AGBL1: variants seen among roughly 807,000 people sequenced by gnomAD.
AGBL1 encodes AGBL carboxypeptidase 1.
In AGBL1, 130 loss-of-function variants were observed where a neutral mutation model predicts 118.9. The observed-to-expected ratio is 1.09, with a 90% confidence interval of 0.95 to 1.26. The LOEUF (loss-of-function observed/expected upper bound fraction) is 1.26, where lower values mean the gene tolerates loss of function less well. AGBL1 is among the 50% of genes most tolerant of loss of function. AGBL1 has a pLI of 0.00. For missense variants in AGBL1, 1,584 were observed against 1,298.1 expected, an observed-to-expected ratio of 1.22 and a Z score of -3.38; for synonymous variants, 555 against 478.9, an observed-to-expected ratio of 1.16 and a Z score of -2.08.
chr15:86,907,678 A>T lies in AGBL1; in HGVS notation c.*384A>T, dbSNP rs530725004. Reference sequence around the variant, plus strand: ...GCTTCTTCTTGGCTTCTCAGCCAGAATTCTAAGTGGTTATTTAAGTTGTTC... The same window carrying T: ...GCTTCTTCTTGGCTTCTCAGCCAGATTTCTAAGTGGTTATTTAAGTTGTTC... On this transcript the variant is annotated 3_prime_UTR_variant, in exon 23 of 23. Coordinates refer to ENST00000614907, the MANE Select transcript of AGBL1 (RefSeq NM_001386094.1). 6.6e-6 allele frequency: 1 copy of T among 152,328 alleles called. No homozygotes were observed. Among genetic ancestry groups the T allele is most frequent in the Admixed American group, 6.5e-5 (1 of 15,300 alleles). The allele number at this position is 152,328 out of a possible 1,614,324, so 9.4% of individuals were successfully genotyped here.
At chr15:86,369,724 G>C (rs1348359390) in intron 17 of AGBL1, among the ~76,000 whole-genome samples, 1 of 152,086 alleles carries the variant, frequency 6.6e-6, no homozygotes, top group African/African-American at 2.4e-5. Context: ...CACCAAACAA[G>C]CTTGTGCAGT....
chr15:86,868,666 A>T (rs1255988302), intron 22 of AGBL1, among the ~76,000 whole-genome samples: 1 of 152,138 alleles, frequency 6.6e-6, no homozygotes, highest in Non-Finnish European at 1.5e-5. Context: ...ACTGATTTCC[A>T]CTCACCCTGG....
In AGBL1 at chr15:86,910,059, C is replaced by T. The variant is rs2080330106; in HGVS notation, c.*2765C>T. ...TAACCAGACAAAGAAGAACAATAAACATTCTAAGTTAATGCAGTATGGCCC... is the reference window on the plus strand; with the variant it reads ...TAACCAGACAAAGAAGAACAATAAATATTCTAAGTTAATGCAGTATGGCCC... On this transcript the variant is annotated 3_prime_UTR_variant, in exon 23 of 23. Transcript: ENST00000614907. The T allele has an allele frequency of 6.6e-6, 1 of 152,216 alleles. No individual in the cohort carries two copies. Among genetic ancestry groups the T allele is most frequent in the Non-Finnish European group, 1.5e-5 (1 of 68,040 alleles). 9.4% of individuals were successfully genotyped at this position (152,216 alleles called of 1,614,324 possible).
intron 4 of AGBL1, among the ~76,000 whole-genome samples, chr15:86,155,760 C>T (rs2077181102): frequency 1.3e-5 from 2 of 152,002 alleles, no homozygotes; most frequent in Admixed American, 1.3e-4. Flanking sequence ...AGTCATAAAG[C>T]ATGAATACTT....
intron 23 of AGBL1, among the ~76,000 whole-genome samples, chr15:86,925,909 C>G (rs1198253727): frequency 6.6e-6 from 1 of 151,110 alleles, no homozygotes. Flanking sequence ...TTTCTGTATT[C>G]TTAATAGAGA....
At chr15:86,648,971 G>A (rs186658115) in intron 21 of AGBL1, among the ~76,000 whole-genome samples, 5 of 152,210 alleles carry the variant, frequency 3.3e-5, no homozygotes, top group Admixed American at 1.3e-4. Context: ...GGAGAAATGG[G>A]GCCATTGTTG....
rs558475791 is a variant in AGBL1 at position 86,169,971 on chromosome 15, G to A, written c.488+10945G>A. Reference sequence around the variant, plus strand: ...ACAAAAATATTCAGCACTAAGTGAGGTAAAATCACAATGTGTAGAATCCAA... The same window carrying A: ...ACAAAAATATTCAGCACTAAGTGAGATAAAATCACAATGTGTAGAATCCAA... On this transcript the variant is annotated intron_variant, in intron 5 of 22. Coordinates refer to ENST00000614907, the MANE Select transcript of AGBL1 (RefSeq NM_001386094.1). Among the ~76,000 whole-genome samples the A allele has an allele frequency of 2.0e-5, 3 of 152,290 alleles. No individual in the cohort carries two copies. The South Asian group carries it at 6.2e-4, about 32-fold the overall frequency.
Position 86,546,069 on chromosome 15 carries a change from A to T in AGBL1, c.2753A>T (p.Glu918Val), listed in dbSNP as rs1053145516. Residue 918 changes from glutamate (E) to valine (V), a missense_variant, in exon 20 of 23, where the codon GAA becomes GTA. By Grantham distance (121) the Glu-to-Val change is moderately radical (BLOSUM62 -2). Transcript: ENST00000614907. ...TTCCTTTATGGCTGTAGCATCAAGG[A>T]AACCTTGTGGCAAGCAGCATGCACT... ...NVFLYGCSIK[E>V]TLWQAACTVG... is the part of the protein sequence containing the mutation. 1 of 1,613,484 alleles carries T rather than the reference A, an allele frequency of 6.2e-7. No individual in the cohort carries two copies. The highest frequency in any genetic ancestry group is 8.5e-7 in the Non-Finnish European group (1 of 1,179,610).
chr15:86,964,038 T>TGTGTGC (rs2141690666), intron 23 of AGBL1, among the ~76,000 whole-genome samples: 1 of 151,682 alleles, frequency 6.6e-6, no homozygotes, highest in Non-Finnish European at 1.5e-5. Flanking sequence ...TCTCTGTGTG[T>TGTGTGC]GTGTGTGTGT....
chr15:86,108,938 CA>C (rs776626371), intron 1 of AGBL1, among the ~76,000 whole-genome samples: 24 of 152,170 alleles, frequency 1.6e-4, no homozygotes, highest in Non-Finnish European at 3.1e-4. Flanking sequence ...ACCTGGGCAA[CA>C]GAGCAAGACT....
chr15:86,408,051 G>A (rs1365382503), intron 18 of AGBL1, among the ~76,000 whole-genome samples: 1 of 152,106 alleles, frequency 6.6e-6, no homozygotes, highest in Non-Finnish European at 1.5e-5. Flanking sequence ...CACATGGTCA[G>A]CTCCCAGCAG....
At chr15:86,937,177 A>G (rs1289203692) in intron 23 of AGBL1, among the ~76,000 whole-genome samples, 1 of 152,236 alleles carries the variant, frequency 6.6e-6, no homozygotes, top group Non-Finnish European at 1.5e-5. Flanking sequence ...GTTGTGGAGT[A>G]ACGGGAACAC....
chr15:86,173,755 A>G (rs2077445771), intron 5 of AGBL1, among the ~76,000 whole-genome samples: 1 of 152,064 alleles, frequency 6.6e-6, no homozygotes, highest in South Asian at 2.1e-4. Context: ...TTGGCTACAA[A>G]TAGGTGAATA....
At chr15:86,571,910 A>G (rs1487774176) in intron 21 of AGBL1, among the ~76,000 whole-genome samples, 1 of 152,060 alleles carries the variant, frequency 6.6e-6, no homozygotes, top group Non-Finnish European at 1.5e-5. Flanking sequence ...GCTGTTCTCC[A>G]CACCCAGGCT....
At chr15:86,790,113 A>C (rs1208425846) in intron 22 of AGBL1, among the ~76,000 whole-genome samples, 2 of 152,168 alleles carry the variant, frequency 1.3e-5, no homozygotes, top group African/African-American at 2.4e-5. Flanking sequence ...TTTCTGAAGA[A>C]GGTACACAGA....
At chr15:86,757,779 G>A (rs951819795) in intron 22 of AGBL1, among the ~76,000 whole-genome samples, 5 of 151,990 alleles carry the variant, frequency 3.3e-5, no homozygotes, top group Non-Finnish European at 4.4e-5. Flanking sequence ...CTCTCTAAGC[G>A]GATTTGTAGT....
chr15:86,825,472 A>C (rs1223374890), intron 22 of AGBL1, among the ~76,000 whole-genome samples: 1 of 150,136 alleles, frequency 6.7e-6, no homozygotes, highest in African/African-American at 2.4e-5. Flanking sequence ...TAATATACTA[A>C]ATAAAAACTC....
intron 22 of AGBL1, among the ~76,000 whole-genome samples, chr15:86,728,195 C>A (rs2086848375): frequency 6.6e-6 from 1 of 152,192 alleles, no homozygotes; most frequent in Non-Finnish European, 1.5e-5. Flanking sequence ...TCCAGCAAAA[C>A]TAAGTAACCG....
chr15:86,528,324 T>G (rs1472069037), intron 19 of AGBL1, among the ~76,000 whole-genome samples: 1 of 152,158 alleles, frequency 6.6e-6, no homozygotes, highest in African/African-American at 2.4e-5. Context: ...GAGTTCCCTC[T>G]CCGAGTCAAA....
Sources: gnomAD v4.1 joint callset for allele counts (sites outside exome capture counted in the v4.1 genomes callset) on GRCh38, gnomAD v4.1.1 for gene constraint, MANE v1.5 for transcripts, NCBI Gene and HGNC (gene_info 2026-07-23, HGNC 2026-07-21) for gene names.